TPGS2: variants seen among roughly 807,000 people sequenced by gnomAD.
TPGS2 encodes the protein tubulin polyglutamylase complex subunit 2, also known as polyglutamylase subunit 2.
TPGS2 carries 26 observed loss-of-function variants against 31.1 expected under a neutral mutation model. The ratio of observed to expected loss-of-function variants is 0.84; its 90% confidence interval spans 0.61 to 1.16. The LOEUF is 1.16. Among genes scored for constraint, TPGS2 ranks in the 50% most tolerant of loss-of-function variants. The pLI is 0.00. For missense variants in TPGS2, 351 were observed against 363.8 expected (o/e 0.96, Z 0.29); for synonymous variants, 130 against 136.6 (o/e 0.95, Z 0.34).
rs1321402735 is a variant in TPGS2 at position 36,823,491 on chromosome 18, C to T, written c.86-4518G>A. Among the ~76,000 whole-genome samples, 5 of 98,708 alleles carry T rather than the reference C, an allele frequency of 5.1e-5. No homozygotes were observed. The East Asian group carries it at 9.1e-4, about 18-fold the overall frequency. 64.8% of individuals were successfully genotyped at this position (98,708 alleles called of 152,430 possible). A position where few individuals can be genotyped will look rare whatever the true frequency, so the allele number is the denominator to read the frequency against. ...TTTTTTTTTTTTTGAGACGGAGTCT[C>T]GCTCTGTCGCCCAGGCTGGAGTGCA... is the stretch of plus-strand genomic sequence containing the variant. On this transcript the variant is annotated intron_variant, in intron 1 of 6. Coordinates refer to ENST00000334295, the MANE Select transcript of TPGS2 (RefSeq NM_015476.4).
chr18:36,787,350 C>T (rs965335435), intron 6 of TPGS2, among the ~76,000 whole-genome samples: 5 of 152,180 alleles, frequency 3.3e-5, no homozygotes, highest in African/African-American at 1.2e-4. Context: ...AGAGAGACTT[C>T]GCCCCTAATA....
intron 6 of TPGS2, chr18:36,786,895 C>G: frequency 2.4e-6 from 3 of 1,234,320 alleles, no homozygotes; most frequent in Non-Finnish European, 3.0e-6. Context: ...CACTGTTGTT[C>G]CCATGCTGTT....
intron 4 of TPGS2, among the ~76,000 whole-genome samples, chr18:36,803,771 A>ATTGT (rs566713567): frequency 6.6e-6 from 1 of 152,040 alleles, no homozygotes; most frequent in Non-Finnish European, 1.5e-5. Context: ...CATGTAGTCA[A>ATTGT]TTGTTTGAGA....
chr18:36,796,327 A>C lies in TPGS2; in HGVS notation c.*478T>G. On this transcript the variant is annotated 3_prime_UTR_variant, in exon 7 of 7. Transcript: ENST00000334295. Reference sequence around the variant, plus strand: ...TTCCATATCTTTGTGCTAATACAGAATCTACCAGCCACATGAATACTCAAA... The same window carrying C: ...TTCCATATCTTTGTGCTAATACAGACTCTACCAGCCACATGAATACTCAAA... The C allele has an allele frequency of 1.0e-6, 1 of 975,526 alleles. No homozygotes were observed. The highest frequency in any genetic ancestry group is 1.2e-6 in the Non-Finnish European group (1 of 820,850). 60.4% of individuals were successfully genotyped at this position (975,526 alleles called of 1,614,324 possible). A position where few individuals can be genotyped will look rare whatever the true frequency, so the allele number is the denominator to read the frequency against.
chr18:36,811,029 A>G (rs898730079), intron 2 of TPGS2, among the ~76,000 whole-genome samples: 1 of 152,182 alleles, frequency 6.6e-6, no homozygotes, highest in Non-Finnish European at 1.5e-5. Context: ...ACAGAAATCA[A>G]TGTCTCTGTA....
At position 36,818,907 on chromosome 18, in the gene TPGS2, G is replaced by T; in HGVS notation, c.152C>A (p.Ser51Tyr). The T allele has an allele frequency of 6.2e-7, 1 of 1,613,644 alleles. No individual in the cohort carries two copies. The highest frequency in any genetic ancestry group is 1.1e-5 in the South Asian group (1 of 91,020). ...GGCAACACTTACTTGTTCCCAGGAA[G>T]AAATCATATGACGTTCAGCAGGAGG... ...EKPPAERHMISSWEQKNNCVM... is the reference protein window; with the variant it reads ...EKPPAERHMIYSWEQKNNCVM... Residue 51 changes from serine (S) to tyrosine (Y), a missense_variant, in exon 2 of 7, where the codon TCT (serine) becomes TAT (tyrosine). Physicochemically the swap from Ser to Tyr is moderately radical, Grantham distance 144. Transcript: ENST00000334295.
intron 6 of TPGS2, among the ~76,000 whole-genome samples, chr18:36,785,089 A>G (rs1038254536): frequency 6.6e-6 from 1 of 152,156 alleles, no homozygotes; most frequent in Non-Finnish European, 1.5e-5. Context: ...ACCTGAGGTC[A>G]GGAGTTGGAG....
intron 3 of TPGS2, chr18:36,807,586 T>C (rs2045218676): frequency 2.1e-6 from 1 of 481,308 alleles, no homozygotes; most frequent in Non-Finnish European, 3.6e-6. Context: ...AATTAATGGT[T>C]TTCTCTACCC....
chr18:36,791,754 C>T (rs182128284), downstream of TPGS2, among the ~76,000 whole-genome samples: 7 of 152,132 alleles, frequency 4.6e-5, no homozygotes, highest in Non-Finnish European at 7.4e-5. Flanking sequence ...ATATCTGGCT[C>T]GGTGTTGTGG....
At chr18:36,789,935 C>G (rs1293848642), downstream of TPGS2, 2 of 153,418 alleles carry the variant, frequency 1.3e-5, no homozygotes, top group Non-Finnish European at 2.9e-5. Context: ...TCCATTAAAC[C>G]TTTTTCTTAA....
chr18:36,786,150 TTGG>T (rs1248592907), intron 6 of TPGS2, among the ~76,000 whole-genome samples: 1 of 152,216 alleles, frequency 6.6e-6, no homozygotes, highest in East Asian at 1.9e-4. Context: ...CAGTCCATGG[TTGG>T]TGGTCTTTTA....
downstream of TPGS2, chr18:36,789,564 A>G (rs925542353): frequency 4.6e-5 from 7 of 152,162 alleles, no homozygotes; most frequent in African/African-American, 1.7e-4. Context: ...TTTATGTTAA[A>G]TTTAGTTTTG....
At chr18:36,783,490 A>C (rs913819500) in intron 6 of TPGS2, among the ~76,000 whole-genome samples, 4 of 152,204 alleles carry the variant, frequency 2.6e-5, no homozygotes, top group African/African-American at 9.7e-5. Flanking sequence ...TTGGAATATT[A>C]AGGTTTTTTT....
At chr18:36,798,900 T>A (rs148914909) in intron 5 of TPGS2, among the ~76,000 whole-genome samples, 1 of 152,322 alleles carries the variant, frequency 6.6e-6, no homozygotes, top group African/African-American at 2.4e-5. Context: ...AGGCAGCTAC[T>A]CCTTTTCTGT....
rs2150557536 is a variant in TPGS2 at position 36,796,355 on chromosome 18, G to A, written c.*450C>T. 2.1e-6 allele frequency: 2 copies of A among 973,780 alleles called. No homozygotes were observed. Among genetic ancestry groups the A allele is most frequent in the African/African-American group, 1.8e-5 (1 of 57,126 alleles). The allele number at this position is 973,780 out of a possible 1,614,324, so 60.3% of individuals were successfully genotyped here. A position where few individuals can be genotyped will look rare whatever the true frequency, so the allele number is the denominator to read the frequency against. ...TACCAGCCACATGAATACTCAAAAT[G>A]TGGCTAATGCAATTGAAGAAATGAA... On this transcript the variant is annotated 3_prime_UTR_variant, in exon 7 of 7. Coordinates refer to ENST00000334295, the MANE Select transcript of TPGS2 (RefSeq NM_015476.4).
intron 5 of TPGS2, 108 bp downstream of exon 5, chr18:36,800,090 G>T: frequency 1.1e-6 from 1 of 907,460 alleles, no homozygotes; most frequent in Non-Finnish European, 1.8e-6. Context: ...GAACCTGGGA[G>T]CATCTCAAGA....
At position 36,796,508 on chromosome 18, in the gene TPGS2, A is replaced by G. The variant is rs2044532141; in HGVS notation, c.*297T>C. The G allele has an allele frequency of 8.9e-7, 1 of 1,129,578 alleles. No homozygotes were observed. The highest frequency in any genetic ancestry group is 4.1e-5 in the South Asian group (1 of 24,520). The allele number at this position is 1,129,578 out of a possible 1,614,324, so 70.0% of individuals were successfully genotyped here. On this transcript the variant is annotated 3_prime_UTR_variant, in exon 7 of 7. Coordinates refer to ENST00000334295, the MANE Select transcript of TPGS2 (RefSeq NM_015476.4). ...CTTTGGGGGACCTCTCTAATCAATC[A>G]GTGCTAAGGGATTGAGGGTTGAGTG...
chr18:36,783,215 T>G lies in TPGS2; in HGVS notation c.658-84A>C, dbSNP rs2044056169. On this transcript the variant is annotated intron_variant, in intron 6 of 6. Transcript: ENST00000587129. Reference sequence around the variant, plus strand: ...CTAAAGGATGTTTCCTGTTGCTTGTTTCCCCTCTCTTGATGCCACTCATTC... The same window carrying G: ...CTAAAGGATGTTTCCTGTTGCTTGTGTCCCCTCTCTTGATGCCACTCATTC... The G allele has an allele frequency of 2.0e-5, 8 of 391,916 alleles. No individual in the cohort carries two copies. The East Asian group carries it at 2.9e-4, about 14-fold the overall frequency. The allele number at this position is 391,916 out of a possible 1,614,324, so 24.3% of individuals were successfully genotyped here.
Position 36,828,965 on chromosome 18 carries a change from C to T in TPGS2, c.-198G>A. The stretch of plus-strand genomic sequence containing the variant: ...CCGGTTCCCGCGGCCCCGCCCGGTG[C>T]CCCACACCGCACCTCCGGGACGTAG... On this transcript the variant is annotated 5_prime_UTR_variant, in exon 1 of 7. Transcript: ENST00000334295. The T allele has an allele frequency of 2.0e-6, 2 of 1,008,146 alleles. No homozygotes were observed. The highest frequency in any genetic ancestry group is 2.9e-5 in the East Asian group (1 of 34,496). The allele number at this position is 1,008,146 out of a possible 1,614,324, so 62.5% of individuals were successfully genotyped here. A position where few individuals can be genotyped will look rare whatever the true frequency, so the allele number is the denominator to read the frequency against.
Sources: gnomAD v4.1 joint callset for allele counts (sites outside exome capture counted in the v4.1 genomes callset) on GRCh38, gnomAD v4.1.1 for gene constraint, MANE v1.5 for transcripts, NCBI Gene and HGNC (gene_info 2026-07-23, HGNC 2026-07-21) for gene names.